RBFOX1: variants seen among roughly 807,000 people sequenced by gnomAD.
The protein encoded by RBFOX1 is RNA binding fox-1 homolog 1, also known as RNA binding protein fox-1 homolog 1.
RBFOX1 carries 8 observed loss-of-function variants against 57.7 expected under a neutral mutation model. That is an observed-to-expected ratio of 0.14 (90% CI 0.08 to 0.25). The LOEUF (loss-of-function observed/expected upper bound fraction) is 0.25. Ranked by LOEUF, RBFOX1 falls within the 10% of genes least tolerant of loss-of-function variation. The pLI, the probability that RBFOX1 is intolerant of heterozygous loss-of-function variation, is 1.00. For missense variants in RBFOX1, 611 were observed against 548.5 expected (o/e 1.11, Z -1.14); for synonymous variants, 326 against 222.4 (o/e 1.47, Z -4.15).
chr16:6,845,472 C>G (rs1309133437), intron 3 of RBFOX1, among the ~76,000 whole-genome samples: 2 of 152,042 alleles, frequency 1.3e-5, no homozygotes, highest in Admixed American at 1.3e-4. Context: ...TCAGGTTTGT[C>G]AAAGATCAGA....
intron 3 of RBFOX1, among the ~76,000 whole-genome samples, chr16:5,701,960 T>G (rs1277724074): frequency 1.3e-5 from 2 of 152,226 alleles, no homozygotes; most frequent in African/African-American, 2.4e-5. Context: ...TCTGTCTTGT[T>G]TCCTTCTGTT....
At chr16:7,286,001 G>C (rs2095643954) in intron 4 of RBFOX1, among the ~76,000 whole-genome samples, 1 of 152,148 alleles carries the variant, frequency 6.6e-6, no homozygotes, top group Non-Finnish European at 1.5e-5. Context: ...AGTAGACTGA[G>C]TTTTGTTTGT....
intron 4 of RBFOX1, among the ~76,000 whole-genome samples, chr16:5,958,051 C>A (rs2059680582): frequency 6.6e-6 from 1 of 152,106 alleles, no homozygotes; most frequent in South Asian, 2.1e-4. Flanking sequence ...ATTTGATGGG[C>A]ATCTTTAGAC....
At chr16:7,677,958 C>T (rs952209360) in intron 14 of RBFOX1, among the ~76,000 whole-genome samples, 6 of 152,136 alleles carry the variant, frequency 3.9e-5, no homozygotes, top group Admixed American at 6.6e-5. Flanking sequence ...CCATTTCTCA[C>T]GAGACGTGGT....
chr16:5,602,301 G>T (rs149078542), downstream of RBFOX1, among the ~76,000 whole-genome samples: 137 of 152,266 alleles, frequency 9.0e-4, no homozygotes, highest in East Asian at 1.9e-3. Flanking sequence ...ACACTTCTGG[G>T]AATTTGCACC....
At chr16:5,278,728 C>G (rs1411072078) in intron 1 of RBFOX1, among the ~76,000 whole-genome samples, 1 of 152,090 alleles carries the variant, frequency 6.6e-6, no homozygotes, top group Non-Finnish European at 1.5e-5. Flanking sequence ...GTGGCTGTTA[C>G]GTTTAAGTCT....
intron 1 of RBFOX1, among the ~76,000 whole-genome samples, chr16:6,032,507 C>T (rs577671662): frequency 3.3e-5 from 5 of 152,224 alleles, no homozygotes; most frequent in African/African-American, 7.2e-5. Context: ...CCTGTCTTTA[C>T]GTAATTTGGT....
chr16:7,069,598 G>A (rs978813540), intron 4 of RBFOX1, among the ~76,000 whole-genome samples: 3 of 152,178 alleles, frequency 2.0e-5, no homozygotes, highest in African/African-American at 7.2e-5. Context: ...TTCACGGCCT[G>A]GGTAAGCAAG....
At chr16:7,383,561 T>C (rs752857635) in intron 4 of RBFOX1, among the ~76,000 whole-genome samples, 15 of 152,186 alleles carry the variant, frequency 9.9e-5, no homozygotes, top group African/African-American at 1.4e-4. Flanking sequence ...TCCTGACATA[T>C]TGACCTCCTT....
chr16:6,205,776 A>G (rs2097251261), intron 1 of RBFOX1, among the ~76,000 whole-genome samples: 1 of 148,916 alleles, frequency 6.7e-6, no homozygotes, highest in African/African-American at 2.5e-5. Context: ...TTTCTGCTCA[A>G]CTGGTTTTGG....
chr16:6,912,015 C>A (rs1399606956), intron 3 of RBFOX1, among the ~76,000 whole-genome samples: 1 of 152,188 alleles, frequency 6.6e-6, no homozygotes, highest in Non-Finnish European at 1.5e-5. Flanking sequence ...AAGATGCATT[C>A]TTCAAAGATT....
chr16:7,248,174 A>G (rs2094379349), intron 4 of RBFOX1, among the ~76,000 whole-genome samples: 1 of 152,200 alleles, frequency 6.6e-6, no homozygotes, highest in African/African-American at 2.4e-5. Flanking sequence ...TTTCTTTATC[A>G]GTTAGGGATA....
In RBFOX1 at chr16:7,266,966, A is replaced by G. The variant is rs928179694; in HGVS notation, c.27+214868A>G. Among the ~76,000 whole-genome samples the G allele has an allele frequency of 2.0e-5, 3 of 152,046 alleles. No individual in the cohort carries two copies. In the East Asian group the frequency reaches 5.8e-4, roughly 29 times the overall value. Reference sequence around the variant, plus strand: ...ATAGGGAGAGAGAAGATCATGTTCAAAAGGGCCACTGAGACCAAAAAGCTC... The same window carrying G: ...ATAGGGAGAGAGAAGATCATGTTCAGAAGGGCCACTGAGACCAAAAAGCTC... On this transcript the variant is annotated intron_variant, in intron 4 of 15. Transcript: ENST00000550418.
chr16:5,699,909 C>A (rs1328892283), intron 3 of RBFOX1, among the ~76,000 whole-genome samples: 1 of 152,200 alleles, frequency 6.6e-6, no homozygotes, highest in Non-Finnish European at 1.5e-5. Context: ...TCTCGGCTCA[C>A]TGCAAGTTCT....
intron 4 of RBFOX1, among the ~76,000 whole-genome samples, chr16:7,418,594 A>C (rs1312080152): frequency 6.6e-6 from 1 of 152,204 alleles, no homozygotes; most frequent in Non-Finnish European, 1.5e-5. Context: ...AGACCCAAAC[A>C]ATATTTGGCT....
At chr16:7,698,452 A>C (rs569418349) in intron 14 of RBFOX1, among the ~76,000 whole-genome samples, 1 of 152,238 alleles carries the variant, frequency 6.6e-6, no homozygotes, top group South Asian at 2.1e-4. Context: ...TTGCTACCCA[A>C]GTTACCAATT....
intron 1 of RBFOX1, among the ~76,000 whole-genome samples, chr16:6,145,072 A>G (rs908787057): frequency 3.3e-5 from 5 of 151,854 alleles, no homozygotes; most frequent in African/African-American, 9.7e-5. Context: ...GCACAAGTGC[A>G]GGTTTGTTAC....
intron 4 of RBFOX1, among the ~76,000 whole-genome samples, chr16:7,059,040 C>A (rs1179822440): frequency 6.6e-6 from 1 of 152,190 alleles, no homozygotes; most frequent in Non-Finnish European, 1.5e-5. Context: ...GCGAGTTTCT[C>A]ATTTCTGCTA....
intron 5 of RBFOX1, among the ~76,000 whole-genome samples, chr16:7,568,507 T>G (rs2092380951): frequency 6.6e-6 from 1 of 152,120 alleles, no homozygotes; most frequent in Admixed American, 6.5e-5. Flanking sequence ...TCGGTGGGAT[T>G]TGGCTGGCTT....
Sources: gnomAD v4.1 joint callset for allele counts (sites outside exome capture counted in the v4.1 genomes callset) on GRCh38, gnomAD v4.1.1 for gene constraint, MANE v1.5 for transcripts, NCBI Gene and HGNC (gene_info 2026-07-23, HGNC 2026-07-21) for gene names.